ZNF497: variants seen among roughly 807,000 people sequenced by gnomAD.
ZNF497 encodes zinc finger-like protein.
For missense variants in ZNF497, 930 were observed against 714.0 expected, an observed-to-expected ratio of 1.30 and a Z score of -3.45; for synonymous variants, 422 against 313.7, an observed-to-expected ratio of 1.35 and a Z score of -3.65.
rs1403952839 is a variant in ZNF497, at chr19:58,356,890, C to G, written c.746G>C (p.Arg249Pro). The G allele has an allele frequency of 6.4e-7, 1 of 1,572,328 alleles. No homozygotes were observed. Reference sequence around the variant, plus strand: ...CTGGCTGAAGGCCTTGCCACAGTCCCGGCAGGCGTGCGGCCGCGCGCCCGT... The same window carrying G: ...CTGGCTGAAGGCCTTGCCACAGTCCGGGCAGGCGTGCGGCCGCGCGCCCGT... ...VHTGARPHAC[R>P]DCGKAFSQSS... Residue 249 changes from arginine to proline, a missense_variant, in exon 3 of 3, where the codon CGG becomes CCG. Coordinates refer to ENST00000311044, the MANE Select transcript of ZNF497 (RefSeq NM_198458.3).
Position 58,356,942 on chromosome 19 carries a change from T to TG in ZNF497, c.693dup (p.Asn232GlnfsTer96). Reference sequence around the variant, plus strand: ...TGCACGCGCCGGTGCTCCAGGAAATTGGAGTTCCAGCTGAAGGCCTTGCCG... The same window carrying TG: ...TGCACGCGCCGGTGCTCCAGGAAATTGGGAGTTCCAGCTGAAGGCCTTGCCG... On this transcript the variant is annotated frameshift_variant, in exon 3 of 3. Transcript: ENST00000311044. The TG allele has an allele frequency of 1.3e-6, 2 of 1,592,716 alleles. No homozygotes were observed. The highest frequency in any genetic ancestry group is 2.3e-5 in the East Asian group (1 of 43,910).
At chr19:58,358,105 C>A (rs1314792263) in intron 2 of ZNF497, 1 of 1,263,134 alleles carries the variant, frequency 7.9e-7, no homozygotes, top group Non-Finnish European at 1.0e-6. Flanking sequence ...CCAAACACAG[C>A]TATGTCTGCC....
In ZNF497 at chr19:58,356,988, C is replaced by CT. The variant is rs762718919; in HGVS notation, c.647dup (p.Pro217AlafsTer111). 3 of 1,609,680 alleles carry CT rather than the reference C, an allele frequency of 1.9e-6. No individual in the cohort carries two copies. The highest frequency in any genetic ancestry group is 2.5e-6 in the Non-Finnish European group (3 of 1,179,112). ...TGCCGCACTCCGGGCACTCGTAGGGCTTCTCGCCCGTGTGCGTGCGTCGGT... is the reference window on the plus strand; with the variant it reads ...TGCCGCACTCCGGGCACTCGTAGGGCTTTCTCGCCCGTGTGCGTGCGTCGGT... On this transcript the variant is annotated frameshift_variant, in exon 3 of 3. Transcript: ENST00000311044.
Position 58,356,029 on chromosome 19 carries a change from G to A in ZNF497, c.*110C>T, listed in dbSNP as rs1053628373. 3.3e-5 allele frequency: 42 copies of A among 1,289,120 alleles called. No individual in the cohort carries two copies. The highest frequency in any genetic ancestry group is 4.2e-5 in the Non-Finnish European group (41 of 970,274). The allele number at this position is 1,289,120 out of a possible 1,614,324, so 79.9% of individuals were successfully genotyped here. A position where few individuals can be genotyped will look rare whatever the true frequency, so the allele number is the denominator to read the frequency against. The stretch of plus-strand genomic sequence containing the variant: ...GGCCGCCCCTGCACTCCCAGCAGGA[G>A]GGCGCCCGCACCGGCGGCCCGAAAA... On this transcript the variant is annotated 3_prime_UTR_variant, in exon 3 of 3. Transcript: ENST00000311044.
Position 58,356,398 on chromosome 19 carries a change from G to C in ZNF497, c.1238C>G (p.Pro413Arg). 1.3e-6 allele frequency: 2 copies of C among 1,566,116 alleles called. No homozygotes were observed. The highest frequency in any genetic ancestry group is 1.7e-6 in the Non-Finnish European group (2 of 1,160,158). ...HHRLSHTGER[P>R]FACAECGKAF... ...CTTGCCGCATTCTGCGCAGGCGAAG[G>C]GTCGCTCTCCCGTGTGCGAAAGCCG... The change falls in exon 3 of 3, where the codon CCC (proline) becomes CGC (arginine). Residue 413 changes from proline to arginine, a missense_variant. Pro to Arg is a moderately radical substitution (Grantham distance 103, BLOSUM62 -2). Coordinates refer to ENST00000311044, the MANE Select transcript of ZNF497 (RefSeq NM_198458.3).
At chr19:58,359,981 AAAAAG>A (rs933260628) in intron 1 of ZNF497, among the ~76,000 whole-genome samples, 3 of 152,210 alleles carry the variant, frequency 2.0e-5, no homozygotes, top group African/African-American at 2.4e-5. Context: ...CAAAAAAAAA[AAAAAG>A]AGAATAAATA....
rs1022124417 is a variant in ZNF497, at chr19:58,356,861, A to C, written c.775T>G (p.Ser259Ala). ...RDCGKAFSQSSNLAEHLKIHA... is the reference protein window; with the variant it reads ...RDCGKAFSQSANLAEHLKIHA... ...ATCTTCAGGTGCTCGGCCAGGTTGG[A>C]GCTCTGGCTGAAGGCCTTGCCACAG... is the stretch of plus-strand genomic sequence containing the variant. The change falls in exon 3 of 3, where the codon TCC (serine) becomes GCC (alanine). Residue 259 changes from serine to alanine, a missense_variant. Ser to Ala is a moderately conservative substitution (Grantham distance 99). Coordinates refer to ENST00000311044, the MANE Select transcript of ZNF497 (RefSeq NM_198458.3). 1.3e-6 allele frequency: 2 copies of C among 1,585,096 alleles called. No individual in the cohort carries two copies. The highest frequency in any genetic ancestry group is 2.7e-5 in the African/African-American group (2 of 73,048).
chr19:58,361,834 TC>T (rs1043937361), intron 1 of ZNF497, among the ~76,000 whole-genome samples: 2 of 152,072 alleles, frequency 1.3e-5, no homozygotes, highest in East Asian at 3.8e-4. Context: ...GAAATCCGGG[TC>T]CCCCAAGGGC....
At chr19:58,359,135 G>A in intron 1 of ZNF497, 2 of 1,249,168 alleles carry the variant, frequency 1.6e-6, no homozygotes, top group Middle Eastern at 2.2e-4. Flanking sequence ...GGGCCCTGCT[G>A]CCTTCTCATA....
At position 58,356,509 on chromosome 19, in the gene ZNF497, T is replaced by A. The variant is rs563246256; in HGVS notation, c.1127A>T (p.His376Leu). 5 of 1,550,130 alleles carry A rather than the reference T, an allele frequency of 3.2e-6. No individual in the cohort carries two copies. The highest frequency in any genetic ancestry group is 4.3e-6 in the Non-Finnish European group (5 of 1,153,262). Residue 376 changes from histidine to leucine, a missense_variant, in exon 3 of 3, where the codon CAC becomes CTC. Coordinates refer to ENST00000311044, the MANE Select transcript of ZNF497 (RefSeq NM_198458.3). ...AFSQRSNLLS[H>L]RRTHSGAKPF... ...CTTGGCGCCCGAGTGCGTGCGCCGGTGGCTCAGTAGGTTGGAGCGCTGGCT... is the reference window on the plus strand; with the variant it reads ...CTTGGCGCCCGAGTGCGTGCGCCGGAGGCTCAGTAGGTTGGAGCGCTGGCT...
At position 58,357,466 on chromosome 19, in the gene ZNF497, T is replaced by A. The variant is rs2052041198; in HGVS notation, c.170A>T (p.Gln57Leu). 6.3e-7 allele frequency: 1 copy of A among 1,595,142 alleles called. No individual in the cohort carries two copies. The highest frequency in any genetic ancestry group is 1.3e-5 in the African/African-American group (1 of 74,496). ...VPREAGDGQR[Q>L]QATLGAADEQ... ...GTCCGCCGCCCCCAGTGTGGCTTGCTGCCGCTGGCCGTCCCCTGCCTCCCT... is the reference window on the plus strand; with the variant it reads ...GTCCGCCGCCCCCAGTGTGGCTTGCAGCCGCTGGCCGTCCCCTGCCTCCCT... Residue 57 changes from glutamine (Q) to leucine (L), a missense_variant, in exon 3 of 3, where the codon CAG becomes CTG. Transcript: ENST00000311044.
rs367823997 is a variant in ZNF497 at position 58,356,819 on chromosome 19, G to T, written c.817C>A (p.Pro273Thr). The change falls in exon 3 of 3, where the codon CCA becomes ACA. Residue 273 changes from proline (P) to threonine (T), a missense_variant. Pro to Thr is a conservative substitution (Grantham distance 38). Coordinates refer to ENST00000311044, the MANE Select transcript of ZNF497 (RefSeq NM_198458.3). ...TTGCCGCAGTCGGGACAGGCGTGTG[G>T]CCGTGCGCCCGCGTGGATCTTCAGG... ...EHLKIHAGAR[P>T]HACPDCGKAF... 14 of 1,571,634 alleles carry T rather than the reference G, an allele frequency of 8.9e-6. No homozygotes were observed. Among genetic ancestry groups the T allele is most frequent in the Non-Finnish European group, 1.2e-5 (14 of 1,164,792 alleles).
chr19:58,358,057 C>T (rs961002385), intron 2 of ZNF497: 1 of 1,219,784 alleles, frequency 8.2e-7, no homozygotes, highest in African/African-American at 1.6e-5. Flanking sequence ...CACGATGGAC[C>T]CGTCTCCATT....
Position 58,356,765 on chromosome 19 carries a change from GC to G in ZNF497, c.870del (p.Gln291SerfsTer84). The G allele has an allele frequency of 1.9e-6, 3 of 1,559,994 alleles. No individual in the cohort carries two copies. The South Asian group carries it at 3.5e-5, about 18-fold the overall frequency. ...GKAFVRVAGLRQHRRTHSSEK... is the reference protein window; with the variant it reads ...GKAFVRVAGLXQHRRTHSSEK... ...TCGCTGCTGTGCGTGCGCCGGTGCTGCCGCAGCCCCGCCACACGCACGAAGG... is the reference window on the plus strand; with the variant it reads ...TCGCTGCTGTGCGTGCGCCGGTGCTGCGCAGCCCCGCCACACGCACGAAGG... On this transcript the variant is annotated frameshift_variant, in exon 3 of 3. Transcript: ENST00000311044.
chr19:58,359,672 T>C (rs2052069806), intron 1 of ZNF497: 1 of 325,922 alleles, frequency 3.1e-6, no homozygotes, highest in Non-Finnish European at 6.1e-6. Flanking sequence ...CTCCAGGAAG[T>C]GTTTTAAAAA....
In ZNF497 at chr19:58,357,356, C is replaced by A; in HGVS notation, c.280G>T (p.Ala94Ser). The A allele has an allele frequency of 6.3e-7, 1 of 1,595,344 alleles. No individual in the cohort carries two copies. The highest frequency in any genetic ancestry group is 1.3e-5 in the African/African-American group (1 of 74,602). Residue 94 changes from alanine (A) to serine (S), a missense_variant, in exon 3 of 3, where the codon GCG becomes TCG. Transcript: ENST00000311044. The stretch of plus-strand genomic sequence containing the variant: ...TCTGGGAGAGGCGAAGGGCGCAACG[C>A]CCGGTCTGCAGGCTCGCTCCTGGGC... ...AGPRSEPADR[A>S]LRPSPLPEEP... is the part of the protein sequence containing the mutation.
intron 1 of ZNF497, among the ~76,000 whole-genome samples, chr19:58,361,999 T>G (rs2052099236): frequency 6.6e-6 from 1 of 152,122 alleles, no homozygotes; most frequent in Non-Finnish European, 1.5e-5. Flanking sequence ...GTCCTTCCTG[T>G]CGGCCTCACT....
At position 58,361,924 on chromosome 19, in the gene ZNF497, C is replaced by T. The variant is rs144126753; in HGVS notation, c.-112+753G>A. ...CGACCCCGACCCGCCAGCCCCCAGCCGCATCTATCAGGGCTGCCGTCCTGA... is the reference window on the plus strand; with the variant it reads ...CGACCCCGACCCGCCAGCCCCCAGCTGCATCTATCAGGGCTGCCGTCCTGA... On this transcript the variant is annotated intron_variant, in intron 1 of 2. Transcript: ENST00000311044. 1.2e-4 allele frequency among the ~76,000 whole-genome samples: 18 copies of T among 152,320 alleles called. No individual in the cohort carries two copies. The East Asian group carries it at 3.3e-3, about 28-fold the overall frequency.
intron 2 of ZNF497, chr19:58,358,084 C>A: frequency 8.1e-7 from 1 of 1,232,906 alleles, no homozygotes; most frequent in South Asian, 1.4e-5. Flanking sequence ...GGCTGGAGGA[C>A]ACCGCCTGAC....
Sources: gnomAD v4.1 joint callset for allele counts (sites outside exome capture counted in the v4.1 genomes callset) on GRCh38, gnomAD v4.1.1 for gene constraint, MANE v1.5 for transcripts, NCBI Gene and HGNC (gene_info 2026-07-23, HGNC 2026-07-21) for gene names.